Variants in PTGIS observed in about 807,000 individuals in gnomAD.
PTGIS encodes the protein prostaglandin I2 synthase, also known as prostacyclin synthase.
Under a neutral mutation model 50.3 loss-of-function variants are expected in PTGIS, and 45 were observed. The ratio of observed to expected loss-of-function variants is 0.90; its 90% confidence interval spans 0.70 to 1.15. The LOEUF (loss-of-function observed/expected upper bound fraction) is 1.15, where lower values mean the gene tolerates loss of function less well. Ranked by LOEUF, PTGIS falls within the 50% of genes most tolerant of loss-of-function variation. The pLI is 0.00. For missense variants in PTGIS, 668 were observed against 661.3 expected, an observed-to-expected ratio of 1.01 and a Z score of -0.11; for synonymous variants, 260 against 267.7, an observed-to-expected ratio of 0.97 and a Z score of 0.28.
intron 5 of PTGIS, among the ~76,000 whole-genome samples, chr20:49,529,115 C>T (rs1268939252): frequency 6.6e-6 from 1 of 152,198 alleles, no homozygotes; most frequent in Non-Finnish European, 1.5e-5. Context: ...TACATAGGTG[C>T]ACACTCACAC....
At chr20:49,563,723 AT>A (rs559035970) in intron 1 of PTGIS, among the ~76,000 whole-genome samples, 413 of 152,340 alleles carry the variant, frequency 2.7e-3, no homozygotes, top group Middle Eastern at 6.8e-3. Context: ...GCATGTTAGA[AT>A]GAGACAGATT....
At chr20:49,562,815 A>G (rs1369952488) in intron 1 of PTGIS, among the ~76,000 whole-genome samples, 1 of 152,128 alleles carries the variant, frequency 6.6e-6, no homozygotes, top group Non-Finnish European at 1.5e-5. Flanking sequence ...TTTGTGAACC[A>G]GGGAAAGGAG....
chr20:49,568,026 C>A lies in PTGIS; in HGVS notation c.74+17G>T, dbSNP rs1001045724. The A allele has an allele frequency of 1.0e-5, 15 of 1,470,742 alleles. No homozygotes were observed. The highest frequency in any genetic ancestry group is 1.5e-5 in the African/African-American group (1 of 67,930). 91.1% of individuals were successfully genotyped at this position (1,470,742 alleles called of 1,614,324 possible). On this transcript the variant is annotated intron_variant, in intron 1 of 9. Coordinates refer to ENST00000244043, the MANE Select transcript of PTGIS (RefSeq NM_000961.4). ...GCCCCCTTTGTCTGGCGGGGCCGAG[C>A]GGAGCAGGACACTCACCGCGTGCGG...
intron 5 of PTGIS, among the ~76,000 whole-genome samples, chr20:49,530,986 C>T (rs564409617): frequency 6.1e-4 from 93 of 152,258 alleles, no homozygotes; most frequent in African/African-American, 2.0e-3. Flanking sequence ...GTCTCGATCT[C>T]TTGACCTCGT....
rs375420791 is a variant in PTGIS, at chr20:49,514,170, T to TG, written c.1024+56dup. 2.1e-5 allele frequency: 34 copies of TG among 1,599,646 alleles called. No homozygotes were observed. The African/African-American group carries it at 4.0e-4, about 19-fold the overall frequency. On this transcript the variant is annotated intron_variant, in intron 7 of 9. Coordinates refer to ENST00000244043, the MANE Select transcript of PTGIS (RefSeq NM_000961.4). ...CAGGAGTCCATGTTGGGGAGGGCTT[T>TG]GGGGGTCCATGATGACGCAGTCTTA...
At chr20:49,556,747 GTT>G (rs1169939650) in intron 1 of PTGIS, among the ~76,000 whole-genome samples, 2 of 152,138 alleles carry the variant, frequency 1.3e-5, no homozygotes, top group African/African-American at 4.8e-5. Context: ...TAGTACACCT[GTT>G]ATTAGAGTCT....
chr20:49,549,403 TAA>T (rs956767951), intron 2 of PTGIS, among the ~76,000 whole-genome samples: 1 of 152,192 alleles, frequency 6.6e-6, no homozygotes, highest in Non-Finnish European at 1.5e-5. Flanking sequence ...CAAAAAAGTC[TAA>T]AAAAGTTTAG....
rs1374666987 is a variant in PTGIS at position 49,514,296 on chromosome 20, G to T, written c.955C>A (p.Gln319Lys). The change falls in exon 7 of 10, where the codon CAA (glutamine) becomes AAA (lysine). Residue 319 changes from glutamine to lysine, a missense_variant. Gln to Lys is a moderately conservative substitution (Grantham distance 53, BLOSUM62 1). Coordinates refer to ENST00000244043, the MANE Select transcript of PTGIS (RefSeq NM_000961.4). Reference sequence around the variant, plus strand: ...GTCTGCGAGACAGGCTGCTCCGCTTGCCAAAGGATACTCTCGAGCTCTCCG... The same window carrying T: ...GTCTGCGAGACAGGCTGCTCCGCTTTCCAAAGGATACTCTCGAGCTCTCCG... ...VRGELESILW[Q>K]AEQPVSQTTT... 9 of 1,614,122 alleles carry T rather than the reference G, an allele frequency of 5.6e-6. No individual in the cohort carries two copies. The South Asian group carries it at 9.9e-5, about 18-fold the overall frequency.
intron 6 of PTGIS, among the ~76,000 whole-genome samples, chr20:49,515,096 C>T (rs549034402): frequency 3.3e-5 from 5 of 152,164 alleles, no homozygotes; most frequent in African/African-American, 1.2e-4. Context: ...TGTTATGCAA[C>T]AATAGCTAAC....
chr20:49,548,439 A>G (rs868375193), intron 2 of PTGIS, among the ~76,000 whole-genome samples: 1 of 151,926 alleles, frequency 6.6e-6, no homozygotes, highest in Non-Finnish European at 1.5e-5. Context: ...TGGATGGATG[A>G]ATGGATGGAT....
At chr20:49,537,039 G>A (rs942307820) in intron 5 of PTGIS, among the ~76,000 whole-genome samples, 2 of 152,216 alleles carry the variant, frequency 1.3e-5, no homozygotes, top group African/African-American at 2.4e-5. Context: ...GGAAGCAGCA[G>A]CGCAGGAATT....
intron 5 of PTGIS, among the ~76,000 whole-genome samples, chr20:49,538,181 G>A (rs117769190): frequency 0.06 from 8,964 of 148,884 alleles, 388 homozygotes; most frequent in South Asian, 0.2. Flanking sequence ...CTTGATCCCA[G>A]GAGATTGAGG....
In PTGIS at chr20:49,504,815, T is replaced by G. The variant is rs1981096796; in HGVS notation, c.*3105A>C. 1 of 151,804 alleles carries G rather than the reference T, an allele frequency of 6.6e-6. No individual in the cohort carries two copies. Among genetic ancestry groups the G allele is most frequent in the African/African-American group, 2.4e-5 (1 of 41,328 alleles). The allele number at this position is 151,804 out of a possible 1,614,324, so 9.4% of individuals were successfully genotyped here. A position where few individuals can be genotyped will look rare whatever the true frequency, so the allele number is the denominator to read the frequency against. The stretch of plus-strand genomic sequence containing the variant: ...TCACAATGGTAAGGAAACACTTCAT[T>G]AGATCAACTTAAGAGTATTTTATTC... On this transcript the variant is annotated 3_prime_UTR_variant, in exon 10 of 10. Coordinates refer to ENST00000244043, the MANE Select transcript of PTGIS (RefSeq NM_000961.4).
intron 6 of PTGIS, among the ~76,000 whole-genome samples, chr20:49,523,082 G>A (rs1298266051): frequency 6.6e-6 from 1 of 152,144 alleles, no homozygotes; most frequent in Non-Finnish European, 1.5e-5. Context: ...TAAATGCAAC[G>A]TGTGATTCTG....
chr20:49,553,982 A>G (rs1982569653), intron 1 of PTGIS, among the ~76,000 whole-genome samples: 1 of 152,204 alleles, frequency 6.6e-6, no homozygotes, highest in Non-Finnish European at 1.5e-5. Flanking sequence ...AATTATTTAT[A>G]ATAGTCTTTC....
At chr20:49,517,149 G>A (rs746448765) in intron 6 of PTGIS, among the ~76,000 whole-genome samples, 4 of 152,226 alleles carry the variant, frequency 2.6e-5, no homozygotes, top group East Asian at 1.9e-4. Flanking sequence ...AGTCGGGGGG[G>A]CCTCCGGCCC....
chr20:49,560,197 C>G (rs1042872557), intron 1 of PTGIS, among the ~76,000 whole-genome samples: 1 of 152,202 alleles, frequency 6.6e-6, no homozygotes, highest in Non-Finnish European at 1.5e-5. Context: ...GCTGGGATTA[C>G]AGGCGTGAGC....
At chr20:49,566,678 G>A (rs11908529) in intron 1 of PTGIS, among the ~76,000 whole-genome samples, 10,691 of 152,240 alleles carry the variant, frequency 0.07, 373 homozygotes, top group South Asian at 0.12. Flanking sequence ...TCTCTCTTAC[G>A]TGGCTCTGTA....
rs201756947 is a variant in PTGIS, at chr20:49,538,210, G to A, written c.673+1360C>T. Among the ~76,000 whole-genome samples, 44 of 136,760 alleles carry A rather than the reference G, an allele frequency of 3.2e-4. No homozygotes were observed. In the East Asian group the frequency reaches 8.3e-3, roughly 26 times the overall value. 89.7% of individuals were successfully genotyped at this position (136,760 alleles called of 152,430 possible). On this transcript the variant is annotated intron_variant, in intron 5 of 9. Transcript: ENST00000244043. Reference sequence around the variant, plus strand: ...ATTGAGGCTGCAGTGAGCCGAGATCGCACCACTGCACTCCAGCCTGGGTGA... The same window carrying A: ...ATTGAGGCTGCAGTGAGCCGAGATCACACCACTGCACTCCAGCCTGGGTGA...
Sources: allele counts gnomAD v4.1 joint callset (sites outside exome capture counted in the v4.1 genomes callset), GRCh38; gene constraint gnomAD v4.1.1; transcripts MANE v1.5; gene names NCBI Gene and HGNC (gene_info 2026-07-23, HGNC 2026-07-21).